Variants in HELZ observed in about 807,000 individuals in gnomAD.
HELZ encodes the protein helicase with zinc finger.
In HELZ, 23 loss-of-function variants were observed where a neutral mutation model predicts 218.2. The observed-to-expected ratio is 0.11, with a 90% CI of 0.08 to 0.15. The LOEUF is 0.15. Ranked by LOEUF, HELZ falls within the 10% of genes least tolerant of loss-of-function variation. The pLI is 1.00. For missense variants in HELZ, 1,813 were observed against 2,353.7 expected (o/e 0.77, Z 4.75); for synonymous variants, 814 against 829.4 (o/e 0.98, Z 0.32).
At chr17:67,192,886 CTTCA>C (rs2039933251) in intron 9 of HELZ, among the ~76,000 whole-genome samples, 1 of 152,134 alleles carries the variant, frequency 6.6e-6, no homozygotes, top group South Asian at 2.1e-4. Context: ...AAGGTTAGCC[CTTCA>C]TTATGAATTA....
chr17:67,245,328 C>T, upstream of HELZ: 2 of 751,640 alleles, frequency 2.7e-6, no homozygotes, highest in Non-Finnish European at 3.2e-6. Context: ...ACTGCCGACC[C>T]CGGCGCCCGC....
intron 3 of HELZ, among the ~76,000 whole-genome samples, chr17:67,226,492 T>G (rs545848742): frequency 1.8e-4 from 27 of 152,278 alleles, no homozygotes; most frequent in African/African-American, 6.5e-4. Flanking sequence ...ATTAAAAATA[T>G]TGATAACACC....
intron 22 of HELZ, among the ~76,000 whole-genome samples, chr17:67,136,889 T>C (rs1317305403): frequency 6.6e-6 from 1 of 152,228 alleles, no homozygotes; most frequent in East Asian, 1.9e-4. Flanking sequence ...ATAACGTAAA[T>C]GAACTTAATG....
intron 23 of HELZ, among the ~76,000 whole-genome samples, chr17:67,133,079 C>T (rs1276398873): frequency 1.3e-5 from 2 of 152,084 alleles, no homozygotes; most frequent in Non-Finnish European, 2.9e-5. Flanking sequence ...AATTCTTGGG[C>T]TACAGCCATG....
At chr17:67,191,920 A>G (rs1026149904) in intron 9 of HELZ, among the ~76,000 whole-genome samples, 14 of 151,762 alleles carry the variant, frequency 9.2e-5, no homozygotes, top group Admixed American at 3.3e-4. Flanking sequence ...ATATAATTAA[A>G]TGGCCGGGCA....
intron 31 of HELZ, among the ~76,000 whole-genome samples, chr17:67,102,249 A>G (rs1200383318): frequency 2.6e-5 from 4 of 152,348 alleles, no homozygotes; most frequent in Admixed American, 2.6e-4. Context: ...AAATTGTTTC[A>G]AGTTTTCCCA....
chr17:67,082,620 A>G (rs749570165), intron 32 of HELZ, among the ~76,000 whole-genome samples: 3 of 152,154 alleles, frequency 2.0e-5, no homozygotes, highest in Non-Finnish European at 2.9e-5. Context: ...TCTTTCTAGT[A>G]TATTTATCAC....
chr17:67,107,745 C>T lies in HELZ; in HGVS notation c.4725-60G>A. 4 of 1,432,416 alleles carry T rather than the reference C, an allele frequency of 2.8e-6. No individual in the cohort carries two copies. In the South Asian group the frequency reaches 5.4e-5, roughly 19 times the overall value. The allele number at this position is 1,432,416 out of a possible 1,614,324, so 88.7% of individuals were successfully genotyped here. ...AAAGGCTCCATCACATTAAGGAAAGCTTAGTCAACTACACATGTATTTTCA... is the reference window on the plus strand; with the variant it reads ...AAAGGCTCCATCACATTAAGGAAAGTTTAGTCAACTACACATGTATTTTCA... On this transcript the variant is annotated intron_variant, in intron 30 of 32. Transcript: ENST00000358691.
At chr17:67,123,584 T>C (rs2037686399) in intron 25 of HELZ, among the ~76,000 whole-genome samples, 1 of 152,222 alleles carries the variant, frequency 6.6e-6, no homozygotes, top group Admixed American at 6.5e-5. Flanking sequence ...CTATGCAATA[T>C]TTAAAATAAT....
intron 7 of HELZ, among the ~76,000 whole-genome samples, chr17:67,198,384 A>G (rs1196152780): frequency 6.6e-6 from 1 of 152,204 alleles, no homozygotes; most frequent in Non-Finnish European, 1.5e-5. Context: ...TGCTCAGCAG[A>G]GAACTGGTAA....
At chr17:67,214,259 C>CTT (rs777420102) in intron 5 of HELZ, among the ~76,000 whole-genome samples, 2,176 of 87,634 alleles carry the variant, frequency 0.025, 38 homozygotes, top group East Asian at 0.033. Context: ...ATTAATATTT[C>CTT]TTTTTTTTTT....
intron 32 of HELZ, among the ~76,000 whole-genome samples, chr17:67,082,474 A>G (rs1306987140): frequency 6.6e-6 from 1 of 152,236 alleles, no homozygotes; most frequent in Non-Finnish European, 1.5e-5. Context: ...ATAACATAAA[A>G]CTAGAATTCA....
chr17:67,163,982 T>C (rs888020381), intron 15 of HELZ, among the ~76,000 whole-genome samples: 2 of 152,222 alleles, frequency 1.3e-5, no homozygotes, highest in African/African-American at 2.4e-5. Context: ...TACTACATCA[T>C]ATACAATGTA....
chr17:67,245,861 C>G (rs1336629040), upstream of HELZ: 1 of 152,214 alleles, frequency 6.6e-6, no homozygotes, highest in East Asian at 1.9e-4. Context: ...GGGCGGGTAA[C>G]GTGATCCGCG....
In HELZ at chr17:67,073,637, T is replaced by G. The variant is rs1331077717; in HGVS notation, c.*4615A>C. ...CTCCCTCCAAAAAATTTTTAGAAACTCTGGTGACTGTTTCCTTAAACTTCA... is the reference window on the plus strand; with the variant it reads ...CTCCCTCCAAAAAATTTTTAGAAACGCTGGTGACTGTTTCCTTAAACTTCA... On this transcript the variant is annotated 3_prime_UTR_variant, in exon 33 of 33. Coordinates refer to ENST00000358691, the MANE Select transcript of HELZ (RefSeq NM_014877.4). 2 of 152,146 alleles carry G rather than the reference T, an allele frequency of 1.3e-5. No homozygotes were observed. The highest frequency in any genetic ancestry group is 2.9e-5 in the Non-Finnish European group (2 of 68,016). 9.4% of individuals were successfully genotyped at this position (152,146 alleles called of 1,614,324 possible). A position where few individuals can be genotyped will look rare whatever the true frequency, so the allele number is the denominator to read the frequency against.
intron 2 of HELZ, among the ~76,000 whole-genome samples, chr17:67,241,270 C>T (rs1271384523): frequency 6.6e-6 from 1 of 152,224 alleles, no homozygotes; most frequent in East Asian, 1.9e-4. Context: ...CTCCCCATCT[C>T]TTGGATAACT....
chr17:67,116,466 A>C (rs2037429574), intron 27 of HELZ, among the ~76,000 whole-genome samples: 1 of 143,148 alleles, frequency 7.0e-6, no homozygotes, highest in African/African-American at 2.6e-5. Flanking sequence ...CAAATAGATT[A>C]AAAGTAAAAG....
intron 31 of HELZ, among the ~76,000 whole-genome samples, chr17:67,098,344 T>A (rs751170319): frequency 1.3e-5 from 2 of 152,190 alleles, no homozygotes; most frequent in Non-Finnish European, 2.9e-5. Context: ...AGTTAAATGA[T>A]CTTTAAGGCC....
At chr17:67,101,547 T>A (rs1468211221) in intron 31 of HELZ, among the ~76,000 whole-genome samples, 1 of 152,194 alleles carries the variant, frequency 6.6e-6, no homozygotes, top group Non-Finnish European at 1.5e-5. Context: ...TACATCTTAC[T>A]CAGAGGTTAG....
Sources: allele counts gnomAD v4.1 joint callset (sites outside exome capture counted in the v4.1 genomes callset), GRCh38; gene constraint gnomAD v4.1.1; transcripts MANE v1.5; gene names NCBI Gene and HGNC (gene_info 2026-07-23, HGNC 2026-07-21).